The following EHMT1 variants were observed in gnomAD, a reference collection of about 807,000 sequenced individuals.
The protein encoded by EHMT1 is euchromatic histone lysine methyltransferase 1, also known as histone-lysine N-methyltransferase EHMT1.
Under a neutral mutation model 147.2 loss-of-function variants are expected in EHMT1, and 15 were observed. The ratio of observed to expected loss-of-function variants is 0.10; its 90% confidence interval spans 0.07 to 0.16. The LOEUF is 0.16. Among genes scored for constraint, EHMT1 ranks in the 10% least tolerant of loss-of-function variants. EHMT1 has a pLI of 1.00. For synonymous variants in EHMT1, 795 were observed against 709.6 expected (o/e 1.12, Z -1.91); for missense variants, 1,587 against 1,772.4 (o/e 0.90, Z 1.88).
In EHMT1 at chr9:137,773,763, C is replaced by T. The variant is rs568130478; in HGVS notation, c.1648-1346C>T. On this transcript the variant is annotated intron_variant, in intron 10 of 26. Coordinates refer to ENST00000460843, the MANE Select transcript of EHMT1 (RefSeq NM_024757.5). Reference sequence around the variant, plus strand: ...GCTTTGCAGTGTGCCAGACCGAATACGAAGAATGTCAGAGGCTTATGTTGA... The same window carrying T: ...GCTTTGCAGTGTGCCAGACCGAATATGAAGAATGTCAGAGGCTTATGTTGA... 2.6e-4 allele frequency among the ~76,000 whole-genome samples: 39 copies of T among 152,270 alleles called. No individual in the cohort carries two copies. The South Asian group carries it at 7.5e-3, about 29-fold the overall frequency.
intron 14 of EHMT1, among the ~76,000 whole-genome samples, chr9:137,779,997 A>G (rs1951258703): frequency 6.6e-6 from 1 of 152,254 alleles, no homozygotes; most frequent in African/African-American, 2.4e-5. Context: ...AGAAATAGAG[A>G]TTAAGGAAAA....
intron 18 of EHMT1, among the ~76,000 whole-genome samples, chr9:137,810,675 A>G (rs1384318490): frequency 6.6e-6 from 1 of 152,040 alleles, no homozygotes; most frequent in Non-Finnish European, 1.5e-5. Flanking sequence ...TTTTATTTAA[A>G]AGAGGCCTTT....
chr9:137,834,157 G>C, intron 25 of EHMT1, 192 bp from the exon 26 acceptor site: 3 of 713,482 alleles, frequency 4.2e-6, no homozygotes, highest in Non-Finnish European at 6.9e-6. Flanking sequence ...TGCGGGGTGG[G>C]TGGCCACACA....
intron 25 of EHMT1, among the ~76,000 whole-genome samples, chr9:137,830,395 G>A (rs1956108804): frequency 2.0e-5 from 3 of 152,196 alleles, no homozygotes; most frequent in Admixed American, 2.0e-4. Context: ...ATGGGCTCTT[G>A]ACTCACTTTT....
intron 18 of EHMT1, among the ~76,000 whole-genome samples, chr9:137,810,298 G>GGTTCCGATGCCGCCC (rs1954358316): frequency 6.8e-6 from 1 of 147,966 alleles, no homozygotes; most frequent in African/African-American, 2.5e-5. Context: ...CGTGAAAGGC[G>GGTTCCGATGCCGCCC]CTCCTCGCAC....
intron 1 of EHMT1, among the ~76,000 whole-genome samples, chr9:137,639,767 A>G (rs1166604598): frequency 1.3e-5 from 2 of 152,088 alleles, no homozygotes; most frequent in Non-Finnish European, 2.9e-5. Context: ...TGAATCATAT[A>G]TATGTATTTT....
intron 17 of EHMT1, 47 bp downstream of exon 17, chr9:137,798,961 C>T (rs374698408): frequency 4.3e-5 from 62 of 1,457,584 alleles, no homozygotes; most frequent in African/African-American, 2.5e-4. Flanking sequence ...GGACTGGCTA[C>T]GGAAACTCAC....
intron 1 of EHMT1, among the ~76,000 whole-genome samples, chr9:137,635,319 G>A (rs1843926830): frequency 6.6e-6 from 1 of 151,220 alleles, no homozygotes; most frequent in Non-Finnish European, 1.5e-5. Context: ...CCATTCTCCT[G>A]CCTAAGCCTC....
chr9:137,734,977 C>G (rs1947409927), intron 4 of EHMT1, among the ~76,000 whole-genome samples: 2 of 152,198 alleles, frequency 1.3e-5, no homozygotes, highest in Admixed American at 1.3e-4. Context: ...AGAAAGAACA[C>G]TAGACAGTAA....
At chr9:137,768,384 A>C (rs1412959759) in intron 10 of EHMT1, among the ~76,000 whole-genome samples, 5 of 102,492 alleles carry the variant, frequency 4.9e-5, no homozygotes, top group East Asian at 2.7e-4. Context: ...ACAGAGTTTC[A>C]CTCTTGTTGC....
At chr9:137,707,091 C>T (rs1442325502) in intron 1 of EHMT1, among the ~76,000 whole-genome samples, 1 of 152,244 alleles carries the variant, frequency 6.6e-6, no homozygotes. Flanking sequence ...TCCCAAACTG[C>T]TGAGATTACA....
intron 25 of EHMT1, among the ~76,000 whole-genome samples, chr9:137,820,813 C>G (rs1055143377): frequency 2.6e-5 from 4 of 152,344 alleles, no homozygotes; most frequent in African/African-American, 9.6e-5. Context: ...TTGGCCTGGG[C>G]TGTGTTACCT....
At chr9:137,621,354 A>C (rs1842932178) in intron 1 of EHMT1, among the ~76,000 whole-genome samples, 1 of 152,166 alleles carries the variant, frequency 6.6e-6, no homozygotes, top group Non-Finnish European at 1.5e-5. Flanking sequence ...AACTTATCTA[A>C]CTTCATTTCT....
chr9:137,781,330 C>T (rs1441414946), intron 14 of EHMT1, among the ~76,000 whole-genome samples: 1 of 135,506 alleles, frequency 7.4e-6, no homozygotes, highest in Non-Finnish European at 1.6e-5. Context: ...GTGGTGATGA[C>T]GCTGAGACGT....
intron 4 of EHMT1, among the ~76,000 whole-genome samples, chr9:137,734,997 A>G (rs1279131688): frequency 6.6e-6 from 1 of 152,248 alleles, no homozygotes; most frequent in Admixed American, 6.5e-5. Flanking sequence ...ACTTGAAGCC[A>G]TATGGAGAAG....
At chr9:137,827,242 A>G (rs551416288) in intron 25 of EHMT1, among the ~76,000 whole-genome samples, 1 of 152,198 alleles carries the variant, frequency 6.6e-6, no homozygotes, top group Non-Finnish European at 1.5e-5. Flanking sequence ...CTCGCCTCCC[A>G]TGAGTGTCCC....
At chr9:137,721,756 G>T (rs2135631359) in intron 3 of EHMT1, among the ~76,000 whole-genome samples, 1 of 152,184 alleles carries the variant, frequency 6.6e-6, no homozygotes, top group Non-Finnish European at 1.5e-5. Flanking sequence ...TGATTGCATT[G>T]TTTTGTTAGC....
chr9:137,797,334 A>T (rs972684002), intron 16 of EHMT1, among the ~76,000 whole-genome samples: 4 of 151,624 alleles, frequency 2.6e-5, no homozygotes, highest in African/African-American at 9.7e-5. Context: ...CAATCCCCTC[A>T]CCCCACCACT....
chr9:137,724,838 G>A (rs1345236702), intron 3 of EHMT1, among the ~76,000 whole-genome samples: 17 of 151,594 alleles, frequency 1.1e-4, no homozygotes, highest in African/African-American at 3.9e-4. Flanking sequence ...TAGACTTGTG[G>A]CATTCGTGTG....
Sources: gnomAD v4.1 joint callset for allele counts (sites outside exome capture counted in the v4.1 genomes callset) on GRCh38, gnomAD v4.1.1 for gene constraint, MANE v1.5 for transcripts, NCBI Gene and HGNC (gene_info 2026-07-23, HGNC 2026-07-21) for gene names.